Variants in TMEM176B observed in about 807,000 individuals in gnomAD.
TMEM176B encodes transmembrane protein 176B.
Under a neutral mutation model 30.3 loss-of-function variants are expected in TMEM176B, and 28 were observed. The observed-to-expected ratio is 0.92, with a 90% CI of 0.68 to 1.27. TMEM176B has a LOEUF of 1.27. Among genes scored for constraint, TMEM176B ranks in the 50% most tolerant of loss-of-function variants. The pLI is 0.00. For synonymous variants in TMEM176B, 123 were observed against 130.3 expected (o/e 0.94, Z 0.38); for missense variants, 349 against 327.4 (o/e 1.07, Z -0.51).
At chr7:150,795,817 T>A (rs1020009562) in intron 2 of TMEM176B, among the ~76,000 whole-genome samples, 1 of 152,204 alleles carries the variant, frequency 6.6e-6, no homozygotes, top group Non-Finnish European at 1.5e-5. Context: ...ATTTCTCATG[T>A]CCCTCTCATG....
At chr7:150,794,116 A>C (rs756176432) in intron 2 of TMEM176B, 45 bp from the exon 3 acceptor site, 3 of 1,521,832 alleles carry the variant, frequency 2.0e-6, no homozygotes, top group Non-Finnish European at 1.8e-6. Context: ...GTGAGTCCAC[A>C]TGCCCCGGCT....
At position 150,793,615 on chromosome 7, in the gene TMEM176B, C is replaced by G; in HGVS notation, c.316-15G>C. The G allele has an allele frequency of 6.2e-7, 1 of 1,612,430 alleles. No individual in the cohort carries two copies. The highest frequency in any genetic ancestry group is 1.1e-5 in the South Asian group (1 of 90,642). On this transcript the variant is annotated splice_polypyrimidine_tract_variant and intron_variant, in intron 3 of 6. Transcript: ENST00000326442. Reference sequence around the variant, plus strand: ...GCTGCGATCACCTGAAAAGAGACACCAGAAAAAGGCCTCCAGTTTACTCTT... The same window carrying G: ...GCTGCGATCACCTGAAAAGAGACACGAGAAAAAGGCCTCCAGTTTACTCTT...
At chr7:150,794,352 TC>T (rs550474146) in intron 2 of TMEM176B, among the ~76,000 whole-genome samples, 5 of 149,332 alleles carry the variant, frequency 3.3e-5, no homozygotes, top group East Asian at 2.0e-4. Flanking sequence ...TTCCCACTTT[TC>T]CCCCCCCATT....
intron 6 of TMEM176B, among the ~76,000 whole-genome samples, 166 bp downstream of exon 6, chr7:150,791,890 T>C (rs1469716672): frequency 6.6e-6 from 1 of 151,914 alleles, no homozygotes; most frequent in African/African-American, 2.4e-5. Flanking sequence ...ACCATGGTGA[T>C]GGCCACATTC....
chr7:150,793,527 G>A lies in TMEM176B; in HGVS notation c.372+17C>T. ...GGGGTCAGTGAACAAGGTGGAGAGA[G>A]GGTGTCCAAGACTCACAGCAAGTTT... On this transcript the variant is annotated intron_variant, in intron 4 of 6. Coordinates refer to ENST00000326442, the MANE Select transcript of TMEM176B (RefSeq NM_001101312.2). 1.2e-6 allele frequency: 2 copies of A among 1,612,514 alleles called. No homozygotes were observed. The highest frequency in any genetic ancestry group is 1.7e-6 in the Non-Finnish European group (2 of 1,179,282).
chr7:150,791,625 T>TG lies in TMEM176B; in HGVS notation c.721-3dup, dbSNP rs749908353. On this transcript the variant is annotated splice_polypyrimidine_tract_variant and splice_region_variant and intron_variant, in intron 6 of 6. Coordinates refer to ENST00000326442, the MANE Select transcript of TMEM176B (RefSeq NM_001101312.2). ...CCTCTTCTCTGATCCTTCCTCATTC[T>TG]GGAAAAAAAAGAAAAAAGAAATCCT... 9.9e-6 allele frequency: 16 copies of TG among 1,610,890 alleles called. No homozygotes were observed. The highest frequency in any genetic ancestry group is 1.1e-5 in the Non-Finnish European group (13 of 1,179,128).
upstream of TMEM176B, chr7:150,801,041 G>T (rs900930963): frequency 2.1e-6 from 2 of 967,686 alleles, no homozygotes; most frequent in South Asian, 4.8e-5. Context: ...GCGTGAACCC[G>T]TCGGGCGTGA....
At chr7:150,799,441 A>G (rs7781584) in intron 1 of TMEM176B, among the ~76,000 whole-genome samples, 128,707 of 152,316 alleles carry the variant, frequency 0.84, 54,556 homozygotes, top group East Asian at 0.91. Context: ...ACTTCTTCAC[A>G]TGCACTTTAG....
At chr7:150,798,343 G>T (rs144843834) in intron 1 of TMEM176B, among the ~76,000 whole-genome samples, 1 of 151,902 alleles carries the variant, frequency 6.6e-6, no homozygotes, top group Non-Finnish European at 1.5e-5. Flanking sequence ...CTAGGGTGGC[G>T]CGATCTCGGC....
intron 6 of TMEM176B, 72 bp downstream of exon 6, chr7:150,791,984 C>G: frequency 6.3e-7 from 1 of 1,599,336 alleles, no homozygotes; most frequent in Non-Finnish European, 8.5e-7. Context: ...CCCCTGGCCC[C>G]GCACTCCTAC....
chr7:150,793,559 G>C lies in TMEM176B; in HGVS notation c.357C>G (p.His119Gln). ...CAAGACTCACAGCAAGTTTGCCCGG[G>C]TGCTTCTCATGGACAATGGCCCCAG... ...AGAGAIVHEK[H>Q]PGKLAGYISS... Residue 119 changes from histidine (H) to glutamine (Q), a missense_variant, in exon 4 of 7, where the codon CAC (histidine) becomes CAG (glutamine). Transcript: ENST00000326442. 1 of 1,613,592 alleles carries C rather than the reference G, an allele frequency of 6.2e-7. No individual in the cohort carries two copies. Among genetic ancestry groups the C allele is most frequent in the Non-Finnish European group, 8.5e-7 (1 of 1,179,818 alleles).
chr7:150,801,310 A>T, upstream of TMEM176B: 1 of 480,748 alleles, frequency 2.1e-6, no homozygotes, highest in Non-Finnish European at 3.6e-6. Flanking sequence ...CTTGGGCGAA[A>T]GGGGAGGTTC....
chr7:150,792,224 G>T (rs769381123), intron 5 of TMEM176B, 49 bp from the exon 6 acceptor site: 14 of 1,604,038 alleles, frequency 8.7e-6, no homozygotes, highest in Non-Finnish European at 1.2e-5. Context: ...CTACTCCAAT[G>T]CTGCCCACAT....
At chr7:150,797,623 T>C (rs1281554522) in intron 1 of TMEM176B, among the ~76,000 whole-genome samples, 4 of 152,198 alleles carry the variant, frequency 2.6e-5, no homozygotes, top group Admixed American at 1.3e-4. Context: ...TGTAAGGTTG[T>C]CATTTTACAG....
chr7:150,796,154 G>A (rs1422736637), intron 2 of TMEM176B, among the ~76,000 whole-genome samples: 1 of 152,032 alleles, frequency 6.6e-6, no homozygotes, highest in Non-Finnish European at 1.5e-5. Context: ...TTTCATGAAG[G>A]GCAATATGTA....
At chr7:150,797,320 C>G (rs1014563700) in intron 1 of TMEM176B, among the ~76,000 whole-genome samples, 1 of 152,162 alleles carries the variant, frequency 6.6e-6, no homozygotes, top group East Asian at 1.9e-4. Flanking sequence ...TTAGAATAAT[C>G]CTACATGAGT....
chr7:150,792,041 T>A lies in TMEM176B; in HGVS notation c.720+15A>T. The A allele has an allele frequency of 6.2e-7, 1 of 1,611,178 alleles. No homozygotes were observed. The highest frequency in any genetic ancestry group is 1.1e-5 in the South Asian group (1 of 90,748). On this transcript the variant is annotated intron_variant, in intron 6 of 6. Coordinates refer to ENST00000326442, the MANE Select transcript of TMEM176B (RefSeq NM_001101312.2). ...CAGACTCACGCTGCCCAGAGGCCCC[T>A]CCCCGACAACTCACCAGGGGCTGGG...
intron 1 of TMEM176B, among the ~76,000 whole-genome samples, chr7:150,799,829 C>T (rs1184637218): frequency 9.9e-5 from 15 of 152,236 alleles, no homozygotes; most frequent in Admixed American, 9.8e-4. Context: ...CTCGCCCCCG[C>T]CTGAAGAGTC....
At chr7:150,796,105 C>A (rs143197839) in intron 2 of TMEM176B, among the ~76,000 whole-genome samples, 1 of 152,316 alleles carries the variant, frequency 6.6e-6, no homozygotes, top group Admixed American at 6.5e-5. Flanking sequence ...TGCCATCGCT[C>A]ACCCATCAGA....
Sources: allele counts gnomAD v4.1 joint callset (sites outside exome capture counted in the v4.1 genomes callset), GRCh38; gene constraint gnomAD v4.1.1; transcripts MANE v1.5; gene names NCBI Gene and HGNC (gene_info 2026-07-23, HGNC 2026-07-21).